The following TENM1 variants were observed in gnomAD, a reference collection of about 807,000 sequenced individuals.
The protein encoded by TENM1 is teneurin-1.
Under a neutral mutation model 174.8 loss-of-function variants are expected in TENM1, and 35 were observed. The observed-to-expected ratio is 0.20, with a 90% CI of 0.15 to 0.27. The LOEUF (loss-of-function observed/expected upper bound fraction) is 0.27, where lower values mean the gene tolerates loss of function less well. TENM1 is among the 10% of genes least tolerant of loss of function. TENM1 has a pLI of 1.00. For synonymous variants in TENM1, 781 were observed against 798.7 expected (o/e 0.98, Z 0.37); for missense variants, 1,633 against 2,130.1 (o/e 0.77, Z 4.59).
In TENM1 at chrX:124,720,284, G is replaced by A. The variant is rs767728842; in HGVS notation, c.777-15033C>T. Among the ~76,000 whole-genome samples the A allele has an allele frequency of 6.3e-5, 7 of 111,763 alleles. No individual in the cohort carries two copies. In the South Asian group the frequency reaches 2.3e-3, roughly 36 times the overall value. On this transcript the variant is annotated intron_variant, in intron 4 of 31. Transcript: ENST00000422452. ...TTAAGTCTGATAAGAAACATATACA[G>A]TCTATTTTCTCTAAAGCAGGCATCA...
chrX:124,422,966 T>C (rs1412600812), intron 23 of TENM1, among the ~76,000 whole-genome samples: 1 of 112,213 alleles, frequency 8.9e-6, no homozygotes, highest in Non-Finnish European at 1.9e-5. Context: ...ATGCAAATTC[T>C]CAGGTCCCAC....
At chrX:125,038,381 A>T in the TENM1 span, among the ~76,000 whole-genome samples, 3 of 110,567 alleles carry the variant, frequency 2.7e-5, no homozygotes, top group African/African-American at 9.8e-5. Context: ...TCATCTGAAA[A>T]ATAGGAATAA....
At chrX:124,712,609 G>A (rs754328295) in intron 4 of TENM1, among the ~76,000 whole-genome samples, 4 of 110,699 alleles carry the variant, frequency 3.6e-5, no homozygotes, top group African/African-American at 6.6e-5. Flanking sequence ...AGACTCCTGA[G>A]TAGCTGGGAC....
rs149698574 is a variant in TENM1 at position 124,470,785 on chromosome X, C to T, written c.3949+10947G>A. On this transcript the variant is annotated intron_variant, in intron 22 of 31. Transcript: ENST00000422452. ...TCAGGTGGGAGTAACCCATTGTCAA[C>T]CATCAGTACTATGACACTCCTTCTT... Among the ~76,000 whole-genome samples, 473 of 110,390 alleles carry T rather than the reference C, an allele frequency of 4.3e-3. 2 individuals are homozygous for T. The highest frequency in any genetic ancestry group is 0.015 in the African/African-American group (441 of 30,396).
intron 4 of TENM1, among the ~76,000 whole-genome samples, chrX:124,721,880 T>C (rs767890129): frequency 1.1e-4 from 12 of 112,595 alleles, no homozygotes; most frequent in Non-Finnish European, 1.1e-4. Context: ...TAGCAAATTA[T>C]GCGTGCATAC....
chrX:124,783,014 G>C (rs1002108657), intron 3 of TENM1, among the ~76,000 whole-genome samples: 1 of 111,825 alleles, frequency 8.9e-6, no homozygotes, highest in African/African-American at 3.2e-5. Flanking sequence ...TTATGGTTTA[G>C]CCACCTGAAG....
At chrX:125,088,493 T>C in the TENM1 span, among the ~76,000 whole-genome samples, 10 of 111,340 alleles carry the variant, frequency 9.0e-5, no homozygotes, top group African/African-American at 3.3e-4. Context: ...GGAAACTCCA[T>C]GGAATGGAGG....
intron 23 of TENM1, among the ~76,000 whole-genome samples, chrX:124,436,824 T>C (rs2147793064): frequency 9.0e-6 from 1 of 110,833 alleles, no homozygotes; most frequent in African/African-American, 3.3e-5. Context: ...CCTACAGATA[T>C]TATCTCTATC....
intron 3 of TENM1, among the ~76,000 whole-genome samples, chrX:124,883,124 C>G (rs529261439): frequency 5.5e-4 from 61 of 111,738 alleles, no homozygotes; most frequent in African/African-American, 1.9e-3. Context: ...TATTTTCTTG[C>G]TTTTTAATGT....
rs763135596 is a variant in TENM1 at position 124,645,764 on chromosome X, T to C, written c.1682-427A>G. On this transcript the variant is annotated intron_variant, in intron 9 of 31. Coordinates refer to ENST00000422452, the Ensembl canonical transcript of TENM1. Reference sequence around the variant, plus strand: ...GTTGTGTAATTAAATAGATTTCTATTGGACAGATGTCTGTTCCTATAACAC... The same window carrying C: ...GTTGTGTAATTAAATAGATTTCTATCGGACAGATGTCTGTTCCTATAACAC... Among the ~76,000 whole-genome samples the C allele has an allele frequency of 3.5e-3, 394 of 112,566 alleles. 3 individuals are homozygous for C. Among genetic ancestry groups the C allele is most frequent in the Admixed American group, 6.2e-3 (66 of 10,627 alleles).
the TENM1 span, among the ~76,000 whole-genome samples, chrX:125,050,628 G>A: frequency 1.8e-5 from 2 of 111,659 alleles, no homozygotes; most frequent in Non-Finnish European, 3.8e-5. Flanking sequence ...ACATACGTGT[G>A]CATGTGTCTT....
At chrX:124,588,581 T>C (rs1484682018) in intron 11 of TENM1, among the ~76,000 whole-genome samples, 9 of 109,716 alleles carry the variant, frequency 8.2e-5, no homozygotes, top group African/African-American at 2.7e-4. Flanking sequence ...TTAGGAGATA[T>C]ACCTAATGCT....
chrX:124,919,711 C>T (rs2057989674), intron 1 of TENM1, among the ~76,000 whole-genome samples: 1 of 111,309 alleles, frequency 9.0e-6, no homozygotes, highest in Non-Finnish European at 1.9e-5. Flanking sequence ...ATTATTGAAA[C>T]TCAAACCAAA....
the TENM1 span, among the ~76,000 whole-genome samples, chrX:125,082,775 G>A: frequency 5.1e-4 from 57 of 110,852 alleles, no homozygotes; most frequent in African/African-American, 1.8e-3. Flanking sequence ...ATATATGTAT[G>A]TTTTAATTTC....
At chrX:124,823,741 T>C (rs2056093218) in intron 3 of TENM1, among the ~76,000 whole-genome samples, 1 of 111,100 alleles carries the variant, frequency 9.0e-6, no homozygotes, top group Non-Finnish European at 1.9e-5. Context: ...AAAGATAAAA[T>C]TTAGAAACAA....
exon 29 of TENM1, chrX:124,385,711 G>A (rs373431363): frequency 2.3e-5 from 27 of 1,199,810 alleles, no homozygotes; most frequent in African/African-American, 1.1e-4. Flanking sequence ...AGATGAATCC[G>A]TCATGCATCA....
intron 11 of TENM1, among the ~76,000 whole-genome samples, chrX:124,574,400 T>A (rs1442530488): frequency 9.0e-6 from 1 of 111,639 alleles, no homozygotes; most frequent in African/African-American, 3.3e-5. Context: ...AAAGATTAAA[T>A]CTGGTTATCA....
At chrX:124,405,347 G>A in intron 26 of TENM1, 81 bp from the exon 30 acceptor site, 2 of 838,733 alleles carry the variant, frequency 2.4e-6, no homozygotes, top group Non-Finnish European at 1.7e-6. Context: ...TTAGTTTTAG[G>A]AGGCACGTTT....
chrX:124,382,476 TC>T (rs368337235), intron 31 of TENM1, among the ~76,000 whole-genome samples, 193 bp downstream of exon 34: 1 of 111,392 alleles, frequency 9.0e-6, no homozygotes, highest in Non-Finnish European at 1.9e-5. Context: ...ATCTTTTTTT[TC>T]CCCCAAAACT....
Sources: allele counts gnomAD v4.1 joint callset (sites outside exome capture counted in the v4.1 genomes callset), GRCh38; gene constraint gnomAD v4.1.1; transcripts MANE v1.5; gene names NCBI Gene and HGNC (gene_info 2026-07-23, HGNC 2026-07-21).